The following OXR1 variants were observed in gnomAD, a reference collection of about 807,000 sequenced individuals.
OXR1 encodes oxidation resistance protein 1.
In OXR1, 41 loss-of-function variants were observed where a neutral mutation model predicts 104.6. The ratio of observed to expected loss-of-function variants is 0.39; its 90% CI spans 0.31 to 0.51. OXR1 has a LOEUF of 0.51. Among genes scored for constraint, OXR1 ranks in the 20% least tolerant of loss-of-function variants. OXR1 has a pLI of 0.77. For synonymous variants in OXR1, 348 were observed against 348.4 expected (o/e 1.00, Z 0.01); for missense variants, 955 against 1,031.9 (o/e 0.93, Z 1.02).
intron 3 of OXR1, among the ~76,000 whole-genome samples, chr8:106,645,547 G>A (rs1188984098): frequency 1.3e-5 from 2 of 151,956 alleles, no homozygotes; most frequent in Non-Finnish European, 2.9e-5. Flanking sequence ...GAGTAGATCT[G>A]CAACAGAAGA....
chr8:106,608,854 G>A (rs1396426982), intron 3 of OXR1, among the ~76,000 whole-genome samples: 2 of 152,148 alleles, frequency 1.3e-5, no homozygotes, highest in African/African-American at 4.8e-5. Context: ...ATGCTGATGG[G>A]TTTATATCGT....
At chr8:106,423,633 T>A (rs1230724553) in intron 2 of OXR1, among the ~76,000 whole-genome samples, 1 of 152,194 alleles carries the variant, frequency 6.6e-6, no homozygotes, top group Non-Finnish European at 1.5e-5. Context: ...ATTTAAACTT[T>A]TGCTAAGGCA....
At chr8:106,297,985 A>G (rs901171678) in intron 1 of OXR1, among the ~76,000 whole-genome samples, 7 of 152,202 alleles carry the variant, frequency 4.6e-5, no homozygotes, top group African/African-American at 1.4e-4. Context: ...GTGGGAGGCA[A>G]TGATCTGGCG....
chr8:106,470,195 G>T (rs1411706229), intron 2 of OXR1, among the ~76,000 whole-genome samples: 1 of 151,742 alleles, frequency 6.6e-6, no homozygotes, highest in African/African-American at 2.4e-5. Context: ...GTCATTGCAG[G>T]ACTTTGAGCA....
At chr8:106,401,616 T>C (rs989116643) in intron 2 of OXR1, among the ~76,000 whole-genome samples, 5 of 152,152 alleles carry the variant, frequency 3.3e-5, no homozygotes, top group Non-Finnish European at 7.4e-5. Flanking sequence ...AGGAATATGT[T>C]ATCTTGAAAA....
At chr8:106,671,044 C>CAAAAAAAAAAAAAAAAAAAAAAAAAA (rs60404483) in intron 3 of OXR1, among the ~76,000 whole-genome samples, 14 of 48,920 alleles carry the variant, frequency 2.9e-4, no homozygotes, top group African/African-American at 7.4e-4. Context: ...GACTCTGTCT[C>CAAAAAAAAAAAAAAAAAAAAAAAAAA]AAAAAAAAAA....
intron 3 of OXR1, among the ~76,000 whole-genome samples, chr8:106,638,414 T>C (rs1333099986): frequency 6.6e-6 from 1 of 152,190 alleles, no homozygotes. Context: ...CTATCTGCTG[T>C]TCTCAAACTT....
rs548402451 is a variant in OXR1 at position 106,520,964 on chromosome 8, C to T, written c.220+1825C>T. 4.6e-5 allele frequency among the ~76,000 whole-genome samples: 7 copies of T among 152,174 alleles called. No individual in the cohort carries two copies. In the South Asian group the frequency reaches 6.2e-4, roughly 14 times the overall value. ...AAGGGGTGGATTGCAAAAAGATGAA[C>T]GATGAGTTATTTTAAATAATACCAC... On this transcript the variant is annotated intron_variant, in intron 3 of 16. Coordinates refer to ENST00000517566, the MANE Select transcript of OXR1 (RefSeq NM_001198533.2).
chr8:106,281,656 C>G (rs892051843), intron 1 of OXR1, among the ~76,000 whole-genome samples: 2 of 151,898 alleles, frequency 1.3e-5, no homozygotes, highest in African/African-American at 4.8e-5. Context: ...AAAAATTAGC[C>G]GGGTGCACTG....
At chr8:106,750,633 A>T (rs930413517) in intron 16 of OXR1, among the ~76,000 whole-genome samples, 173 bp from the exon 17 acceptor site, 1 of 152,064 alleles carries the variant, frequency 6.6e-6, no homozygotes, top group African/African-American at 2.4e-5. Context: ...CCCGGCCCAT[A>T]AATAATTTTT....
At chr8:106,574,350 T>A (rs1054228695) in intron 3 of OXR1, among the ~76,000 whole-genome samples, 12 of 152,182 alleles carry the variant, frequency 7.9e-5, no homozygotes, top group African/African-American at 2.7e-4. Context: ...AAAAAGCCTT[T>A]GCTGGTAACT....
chr8:106,409,965 T>C (rs1387284049), intron 2 of OXR1, among the ~76,000 whole-genome samples: 1 of 151,582 alleles, frequency 6.6e-6, no homozygotes, highest in Non-Finnish European at 1.5e-5. Flanking sequence ...GATTCATTTT[T>C]GAAAATGCTT....
chr8:106,416,501 C>G (rs1818683030), intron 2 of OXR1, among the ~76,000 whole-genome samples: 1 of 151,784 alleles, frequency 6.6e-6, no homozygotes, highest in South Asian at 2.1e-4. Context: ...CATTTAGAAT[C>G]TGTATGGAAT....
At chr8:106,600,011 C>A (rs1257526427) in intron 3 of OXR1, among the ~76,000 whole-genome samples, 1 of 152,212 alleles carries the variant, frequency 6.6e-6, no homozygotes, top group Admixed American at 6.5e-5. Flanking sequence ...AGGCAGAGAT[C>A]AGGCAGTAAT....
At chr8:106,535,599 T>G (rs1814452359) in intron 3 of OXR1, among the ~76,000 whole-genome samples, 2 of 152,210 alleles carry the variant, frequency 1.3e-5, no homozygotes, top group Admixed American at 1.3e-4. Flanking sequence ...GTTGCCAATT[T>G]TCTTTGCTCA....
chr8:106,397,299 T>G (rs955442636), intron 2 of OXR1, among the ~76,000 whole-genome samples: 2 of 152,084 alleles, frequency 1.3e-5, no homozygotes, highest in African/African-American at 4.8e-5. Context: ...AAGTAAACCC[T>G]AGGAAGGTGG....
intron 2 of OXR1, among the ~76,000 whole-genome samples, chr8:106,517,374 T>C (rs2130092558): frequency 6.6e-6 from 1 of 152,308 alleles, no homozygotes; most frequent in South Asian, 2.1e-4. Flanking sequence ...AGTTCATGCA[T>C]TTCCATTGCT....
intron 3 of OXR1, among the ~76,000 whole-genome samples, chr8:106,646,216 C>T (rs1824068835): frequency 6.6e-6 from 1 of 151,970 alleles, no homozygotes; most frequent in Non-Finnish European, 1.5e-5. Context: ...AACGATTCTC[C>T]TGCCTCAGTT....
At chr8:106,322,284 C>A (rs115496769) in intron 1 of OXR1, among the ~76,000 whole-genome samples, 1 of 152,106 alleles carries the variant, frequency 6.6e-6, no homozygotes, top group Admixed American at 6.6e-5. Flanking sequence ...ATAAATCGAA[C>A]TAAAAACAAA....
Sources: allele counts gnomAD v4.1 joint callset (sites outside exome capture counted in the v4.1 genomes callset), GRCh38; gene constraint gnomAD v4.1.1; transcripts MANE v1.5; gene names NCBI Gene and HGNC (gene_info 2026-07-23, HGNC 2026-07-21).